SYNE2: variants seen among roughly 807,000 people sequenced by gnomAD.
SYNE2 encodes nesprin-2.
SYNE2 carries 431 observed loss-of-function variants against 856.3 expected under a neutral mutation model. The ratio of observed to expected loss-of-function variants is 0.50; its 90% CI spans 0.47 to 0.55. The LOEUF (loss-of-function observed/expected upper bound fraction) is 0.55. Among genes scored for constraint, SYNE2 ranks in the 20% least tolerant of loss-of-function variants. The pLI, the probability that SYNE2 is intolerant of heterozygous loss-of-function variation, is 0.00. For missense variants in SYNE2, 8,129 were observed against 8,023.2 expected (o/e 1.01, Z -0.50); for synonymous variants, 2,923 against 2,872.3 (o/e 1.02, Z -0.56).
At chr14:63,824,913 C>T (rs8008527) in intron 1 of SYNE2, among the ~76,000 whole-genome samples, 15,782 of 151,904 alleles carry the variant, frequency 0.1, 911 homozygotes, top group African/African-American at 0.15. Flanking sequence ...GTGGGCGGAT[C>T]GCGAGGTCAG....
chr14:63,924,832 G>GTTTTTTTTTTTTTTTTTT lies in SYNE2; in HGVS notation c.79+15606_79+15607insTTTTTTTTTTTTTTTTTT, dbSNP rs1491139905. Among the ~76,000 whole-genome samples the GTTTTTTTTTTTTTTTTTT allele has an allele frequency of 4.2e-3, 393 of 92,852 alleles. 145 individuals are homozygous for GTTTTTTTTTTTTTTTTTT. The highest frequency in any genetic ancestry group is 0.024 in the Middle Eastern group (4 of 170). The allele number at this position is 92,852 out of a possible 152,430, so 60.9% of individuals were successfully genotyped here. ...TTTAACTTTTTTCCTTCCAGCCTTG[G>GTTTTTTTTTTTTTTTTTT]TGTTTTTTTTTTTTTTTTTTTTTTT... On this transcript the variant is annotated intron_variant, in intron 2 of 115. Transcript: ENST00000555002.
chr14:64,103,517 C>T (rs563901841), intron 64 of SYNE2, among the ~76,000 whole-genome samples: 34 of 152,262 alleles, frequency 2.2e-4, no homozygotes, highest in African/African-American at 6.3e-4. Context: ...CCTTTGCTCC[C>T]GGAAGATCTC....
intron 110 of SYNE2, among the ~76,000 whole-genome samples, chr14:64,219,673 T>C (rs2098685896): frequency 6.6e-6 from 1 of 152,090 alleles, no homozygotes; most frequent in Non-Finnish European, 1.5e-5. Context: ...GATGGAAAAA[T>C]CTGACATCCG....
chr14:63,834,137 C>T (rs1336950693), intron 1 of SYNE2, among the ~76,000 whole-genome samples: 1 of 152,168 alleles, frequency 6.6e-6, no homozygotes, highest in Non-Finnish European at 1.5e-5. Context: ...TTAAGGAACT[C>T]TTCTGAGTTT....
At chr14:63,824,965 C>G (rs1889365289) in intron 1 of SYNE2, among the ~76,000 whole-genome samples, 1 of 151,720 alleles carries the variant, frequency 6.6e-6, no homozygotes, top group Admixed American at 6.6e-5. Flanking sequence ...AACCCCATCT[C>G]TACTAAAAAT....
intron 98 of SYNE2, among the ~76,000 whole-genome samples, chr14:64,189,863 G>T (rs534414281): frequency 1.3e-5 from 2 of 152,136 alleles, no homozygotes; most frequent in East Asian, 3.9e-4. Context: ...GGGTCTTGCT[G>T]TGTTGCACAG....
Position 64,143,946 on chromosome 14 carries a change from A to G in SYNE2, c.15481A>G (p.Lys5161Glu). The G allele has an allele frequency of 6.2e-7, 1 of 1,614,136 alleles. No homozygotes were observed. The highest frequency in any genetic ancestry group is 1.1e-5 in the South Asian group (1 of 91,078). ...WHRVHGMLNR[K>E]IQHLEQLLES... Reference sequence around the variant, plus strand: ...CCGTGTACATGGAATGCTGAATAGAAAGGTGTGTTCCTGCGTCACAACTGG... The same window carrying G: ...CCGTGTACATGGAATGCTGAATAGAGAGGTGTGTTCCTGCGTCACAACTGG... Residue 5161 changes from lysine to glutamate, a missense_variant and splice_region_variant, in exon 83 of 116, where the codon AAG becomes GAG. By Grantham distance (56) the Lys-to-Glu change is moderately conservative. Coordinates refer to ENST00000555002, the MANE Select transcript of SYNE2 (RefSeq NM_182914.3).
chr14:64,022,141 A>G (rs2153534059), intron 37 of SYNE2, 113 bp downstream of exon 37: 1 of 957,500 alleles, frequency 1.0e-6, no homozygotes. Flanking sequence ...CACAGACTAC[A>G]TTCAAGGAAA....
At chr14:64,040,422 A>G (rs1040751209) in intron 45 of SYNE2, among the ~76,000 whole-genome samples, 32 of 151,870 alleles carry the variant, frequency 2.1e-4, no homozygotes, top group African/African-American at 6.8e-4. Context: ...AAATAATCAT[A>G]AGGGACTTCA....
chr14:64,002,909 G>A lies in SYNE2; in HGVS notation c.3976G>A (p.Glu1326Lys). Reference protein sequence around the residue: ...QRSEDTLKALEDFLASLRTAK... With the variant: ...QRSEDTLKALKDFLASLRTAK... ...GAGTGAAGATACTCTCAAAGCTCTG[G>A]AAGACTTTTTGGCGTCTCTCAGAAC... is the stretch of plus-strand genomic sequence containing the variant. Residue 1326 changes from glutamate (E) to lysine (K), a missense_variant, in exon 30 of 116, where the codon GAA becomes AAA. Glu to Lys is a moderately conservative substitution (Grantham distance 56). Coordinates refer to ENST00000555002, the MANE Select transcript of SYNE2 (RefSeq NM_182914.3). 1.9e-6 allele frequency: 3 copies of A among 1,614,182 alleles called. No individual in the cohort carries two copies. The highest frequency in any genetic ancestry group is 2.2e-5 in the South Asian group (2 of 91,078).
intron 1 of SYNE2, among the ~76,000 whole-genome samples, chr14:63,829,900 T>C (rs1034232212): frequency 6.6e-6 from 1 of 152,134 alleles, no homozygotes; most frequent in Non-Finnish European, 1.5e-5. Context: ...ATTACAGGCA[T>C]GAGGCACTGT....
rs966957344 is a variant in SYNE2 at position 63,933,493 on chromosome 14, G to A, written c.80-7121G>A. 1.1e-4 allele frequency among the ~76,000 whole-genome samples: 16 copies of A among 152,188 alleles called. 1 individual carries two copies. Among genetic ancestry groups the A allele is most frequent in the Admixed American group, 9.2e-4 (14 of 15,284 alleles). On this transcript the variant is annotated intron_variant, in intron 2 of 115. Transcript: ENST00000555002. The stretch of plus-strand genomic sequence containing the variant: ...ATCAGAACAAACTCAGGGATTAAAT[G>A]TATTTTTATGGTAATGACACCTAGA...
intron 10 of SYNE2, among the ~76,000 whole-genome samples, chr14:63,964,208 A>G (rs2096359720): frequency 6.6e-6 from 1 of 152,254 alleles, no homozygotes; most frequent in African/African-American, 2.4e-5. Flanking sequence ...CTGGTTCAGT[A>G]GTTCTGGGGC....
chr14:64,001,077 A>G lies in SYNE2; in HGVS notation c.3638+358A>G, dbSNP rs532409589. Among the ~76,000 whole-genome samples the G allele has an allele frequency of 3.0e-4, 46 of 152,310 alleles. 1 individual carries two copies. Among genetic ancestry groups the G allele is most frequent in the African/African-American group, 1.1e-3 (46 of 41,564 alleles). On this transcript the variant is annotated intron_variant, in intron 28 of 115. Transcript: ENST00000555002. ...TCATTTCTGAAATGAGAGTGTTATTAGGACCTTGTATACATAGGTTGTGTA... is the reference window on the plus strand; with the variant it reads ...TCATTTCTGAAATGAGAGTGTTATTGGGACCTTGTATACATAGGTTGTGTA...
At chr14:64,133,978 G>A (rs1380015599) in intron 77 of SYNE2, 91 bp from the exon 78 acceptor site, 2 of 1,452,176 alleles carry the variant, frequency 1.4e-6, no homozygotes, top group Non-Finnish European at 1.9e-6. Flanking sequence ...TATGGTCTTG[G>A]TGTTCATTTT....
At chr14:63,950,770 C>T (rs977092828) in intron 7 of SYNE2, among the ~76,000 whole-genome samples, 8 of 152,080 alleles carry the variant, frequency 5.3e-5, no homozygotes, top group Admixed American at 1.3e-4. Context: ...GATCCTTCCA[C>T]CTTAGCCTCC....
At chr14:63,932,196 C>T (rs987666530) in intron 2 of SYNE2, among the ~76,000 whole-genome samples, 6 of 151,956 alleles carry the variant, frequency 3.9e-5, no homozygotes, top group African/African-American at 7.3e-5. Context: ...GCCTGGCCAA[C>T]GTAGTGAAAC....
At chr14:63,990,188 G>A (rs1014135632) in intron 19 of SYNE2, among the ~76,000 whole-genome samples, 7 of 151,718 alleles carry the variant, frequency 4.6e-5, no homozygotes, top group African/African-American at 1.7e-4. Context: ...TTATTTTATT[G>A]AAGTGCTTAC....
intron 49 of SYNE2, among the ~76,000 whole-genome samples, chr14:64,060,469 C>T (rs186602385): frequency 3.9e-5 from 6 of 152,148 alleles, no homozygotes; most frequent in Non-Finnish European, 8.8e-5. Flanking sequence ...GAATGGGGGC[C>T]TCATGACTCT....
Sources: allele counts gnomAD v4.1 joint callset (sites outside exome capture counted in the v4.1 genomes callset), GRCh38; gene constraint gnomAD v4.1.1; transcripts MANE v1.5; gene names NCBI Gene and HGNC (gene_info 2026-07-23, HGNC 2026-07-21).